Variants in MCC observed in about 807,000 individuals in gnomAD.
MCC encodes colorectal mutant cancer protein.
A neutral mutation model predicts 116.2 loss-of-function variants in MCC; 90 were observed. The ratio of observed to expected loss-of-function variants is 0.77; its 90% CI spans 0.65 to 0.92. MCC has a LOEUF of 0.92. Ranked by LOEUF, MCC falls within the 40% of genes least tolerant of loss-of-function variation. The pLI is 0.00. For synonymous variants in MCC, 578 were observed against 510.5 expected (o/e 1.13, Z -1.78); for missense variants, 1,516 against 1,312.2 (o/e 1.16, Z -2.40).
chr5:113,243,864 T>C (rs1231758381), intron 3 of MCC, among the ~76,000 whole-genome samples: 1 of 152,236 alleles, frequency 6.6e-6, no homozygotes, highest in Non-Finnish European at 1.5e-5. Flanking sequence ...TAGCATTTCC[T>C]TCTCTCTTTC....
chr5:113,069,612 A>G (rs1753886816), intron 12 of MCC, among the ~76,000 whole-genome samples: 1 of 152,194 alleles, frequency 6.6e-6, no homozygotes, highest in African/African-American at 2.4e-5. Flanking sequence ...TCTGTCGCCC[A>G]GGCTGGAGTG....
intron 4 of MCC, among the ~76,000 whole-genome samples, chr5:113,149,505 T>A (rs981408699): frequency 6.6e-6 from 1 of 152,134 alleles, no homozygotes; most frequent in African/African-American, 2.4e-5. Flanking sequence ...TCATTTATCT[T>A]TGGGTAATCA....
intron 3 of MCC, among the ~76,000 whole-genome samples, chr5:113,331,874 G>A (rs1216576044): frequency 6.6e-6 from 1 of 151,534 alleles, no homozygotes; most frequent in Non-Finnish European, 1.5e-5. Flanking sequence ...CTGACCTCAG[G>A]TGATCCGCCC....
intron 6 of MCC, among the ~76,000 whole-genome samples, chr5:113,106,616 G>C (rs1269426048): frequency 6.6e-6 from 1 of 152,134 alleles, no homozygotes; most frequent in Non-Finnish European, 1.5e-5. Flanking sequence ...AGTACAGGCA[G>C]GGGTACAATC....
chr5:113,050,403 C>T (rs897182179), intron 15 of MCC, among the ~76,000 whole-genome samples: 2 of 152,144 alleles, frequency 1.3e-5, no homozygotes, highest in South Asian at 2.1e-4. Flanking sequence ...CGAAGTCACC[C>T]TTCTGAGGTA....
chr5:113,050,458 G>C (rs528238535), intron 15 of MCC, among the ~76,000 whole-genome samples: 2 of 152,268 alleles, frequency 1.3e-5, no homozygotes, highest in East Asian at 1.9e-4. Context: ...GTTGGACTAG[G>C]GGGTAGATGT....
intron 17 of MCC, among the ~76,000 whole-genome samples, chr5:113,038,460 T>A (rs1414412447): frequency 6.6e-6 from 1 of 152,056 alleles, no homozygotes; most frequent in Non-Finnish European, 1.5e-5. Flanking sequence ...AATGAAATGT[T>A]CCATGGGAGA....
chr5:113,317,102 G>A (rs1767305300), intron 3 of MCC, among the ~76,000 whole-genome samples: 1 of 152,196 alleles, frequency 6.6e-6, no homozygotes, highest in Admixed American at 6.5e-5. Context: ...AATAAAAGGT[G>A]AGGGTTTTCC....
chr5:113,058,662 TA>T (rs1014289965), intron 14 of MCC, among the ~76,000 whole-genome samples: 1 of 152,322 alleles, frequency 6.6e-6, no homozygotes, highest in African/African-American at 2.4e-5. Context: ...CAAACCTGGA[TA>T]AATGTTCCTC....
At chr5:113,244,215 A>G (rs908662405) in intron 3 of MCC, among the ~76,000 whole-genome samples, 3 of 152,228 alleles carry the variant, frequency 2.0e-5, no homozygotes, top group African/African-American at 7.2e-5. Flanking sequence ...ATGTGGATGT[A>G]ATTGTTGGCC....
chr5:113,271,079 C>T (rs866562378), intron 3 of MCC, among the ~76,000 whole-genome samples: 2 of 152,076 alleles, frequency 1.3e-5, no homozygotes, highest in Non-Finnish European at 2.9e-5. Flanking sequence ...AAAATGGGAC[C>T]CTTAGTGAGC....
intron 3 of MCC, among the ~76,000 whole-genome samples, chr5:113,325,740 C>T (rs778518576): frequency 5.3e-5 from 8 of 152,064 alleles, no homozygotes; most frequent in African/African-American, 9.7e-5. Context: ...CCTATATTTT[C>T]CTTCTAAAAA....
chr5:113,270,315 A>G lies in MCC; in HGVS notation c.627+70204T>C, dbSNP rs978164193. Among the ~76,000 whole-genome samples the G allele has an allele frequency of 1.2e-4, 18 of 152,128 alleles. 1 individual carries two copies. The highest frequency in any genetic ancestry group is 7.9e-4 in the Admixed American group (12 of 15,264). On this transcript the variant is annotated intron_variant, in intron 3 of 18. Coordinates refer to ENST00000408903, the MANE Select transcript of MCC (RefSeq NM_001085377.2). ...GCCAGGGTGTCCAAACATGGGCTAT[A>G]TTCACTAAAGCGTGCAACAGAATGT... is the stretch of plus-strand genomic sequence containing the variant.
intron 3 of MCC, among the ~76,000 whole-genome samples, chr5:113,250,786 G>T (rs1035832557): frequency 1.3e-5 from 2 of 152,178 alleles, no homozygotes; most frequent in African/African-American, 4.8e-5. Flanking sequence ...CCAAGCATGT[G>T]TAATTCCACT....
At chr5:113,407,194 C>G (rs1769858961) in intron 1 of MCC, among the ~76,000 whole-genome samples, 1 of 152,096 alleles carries the variant, frequency 6.6e-6, no homozygotes, top group African/African-American at 2.4e-5. Flanking sequence ...AATAAACATG[C>G]AAAGAGGTTA....
At chr5:113,449,675 G>A (rs1771330685) in intron 1 of MCC, among the ~76,000 whole-genome samples, 1 of 152,214 alleles carries the variant, frequency 6.6e-6, no homozygotes, top group Non-Finnish European at 1.5e-5. Flanking sequence ...TCATGGAGGA[G>A]GCTCAGAGGT....
At chr5:113,233,500 A>C (rs1764014097) in intron 3 of MCC, among the ~76,000 whole-genome samples, 1 of 152,210 alleles carries the variant, frequency 6.6e-6, no homozygotes. Context: ...AGATTCTCTG[A>C]AACCCTGGGT....
intron 3 of MCC, among the ~76,000 whole-genome samples, chr5:113,152,359 T>C (rs1372608259): frequency 2.6e-5 from 4 of 152,208 alleles, no homozygotes; most frequent in African/African-American, 7.2e-5. Flanking sequence ...AGCAACACCC[T>C]GAAACGTCCT....
At chr5:113,159,280 C>G (rs895913587) in intron 3 of MCC, among the ~76,000 whole-genome samples, 2 of 152,188 alleles carry the variant, frequency 1.3e-5, no homozygotes, top group Non-Finnish European at 2.9e-5. Flanking sequence ...GCTTTGCATA[C>G]TTTATTTGTC....
Sources: allele counts gnomAD v4.1 joint callset (sites outside exome capture counted in the v4.1 genomes callset), GRCh38; gene constraint gnomAD v4.1.1; transcripts MANE v1.5; gene names NCBI Gene and HGNC (gene_info 2026-07-23, HGNC 2026-07-21).